Variants in NUS1 observed in about 807,000 individuals in gnomAD.
NUS1 encodes NUS1 dehydrodolichyl diphosphate synthase subunit, also known as dehydrodolichyl diphosphate synthase complex subunit NUS1.
For missense variants in NUS1, 292 were observed against 382.9 expected, an observed-to-expected ratio of 0.76 and a Z score of 1.98; for synonymous variants, 135 against 155.2, an observed-to-expected ratio of 0.87 and a Z score of 0.97.
intron 1 of NUS1, among the ~76,000 whole-genome samples, chr6:117,688,865 T>A (rs894717384): frequency 6.6e-6 from 1 of 152,232 alleles, no homozygotes; most frequent in South Asian, 2.1e-4. Context: ...TCTTAATTAC[T>A]GAGTTTTTTT....
At chr6:117,704,187 A>G (rs1180244175) in intron 4 of NUS1, among the ~76,000 whole-genome samples, 1 of 152,150 alleles carries the variant, frequency 6.6e-6, no homozygotes, top group Non-Finnish European at 1.5e-5. Flanking sequence ...GTAGGCAGGC[A>G]ATAGGAAACG....
intron 3 of NUS1, among the ~76,000 whole-genome samples, chr6:117,702,967 G>A (rs1275310111): frequency 6.6e-6 from 1 of 151,846 alleles, no homozygotes; most frequent in Non-Finnish European, 1.5e-5. Flanking sequence ...CCCAAGTCAG[G>A]TCTCATATGG....
chr6:117,689,562 T>G (rs11153694), intron 1 of NUS1, among the ~76,000 whole-genome samples: 3,480 of 135,222 alleles, frequency 0.026, 48 homozygotes, highest in Non-Finnish European at 0.037. Context: ...TTGTTTTTTG[T>G]TTTTTTTTGT....
At chr6:117,677,368 G>T (rs1463928410) in intron 1 of NUS1, among the ~76,000 whole-genome samples, 1 of 152,158 alleles carries the variant, frequency 6.6e-6, no homozygotes, top group African/African-American at 2.4e-5. Context: ...TGAAGAATAG[G>T]TAGGAGATAA....
intron 3 of NUS1, among the ~76,000 whole-genome samples, chr6:117,698,663 C>G (rs917123639): frequency 1.3e-5 from 2 of 152,096 alleles, no homozygotes; most frequent in African/African-American, 2.4e-5. Flanking sequence ...CTTACAGATT[C>G]ATTTTGTGAA....
intron 1 of NUS1, among the ~76,000 whole-genome samples, chr6:117,686,845 AGTGTGTATGTGT>A (rs1486919661): frequency 1.9e-3 from 218 of 114,482 alleles, no homozygotes; most frequent in African/African-American, 4.2e-3. Context: ...TATCATGTGA[AGTGTGTATGTGT>A]GTGTGTGTGT....
At chr6:117,693,905 A>C in intron 2 of NUS1, 126 bp from the exon 3 acceptor site, 2 of 1,020,658 alleles carry the variant, frequency 2.0e-6, no homozygotes, top group South Asian at 3.9e-5. Flanking sequence ...GAAGGGCTTA[A>C]AAAATTCTTG....
intron 1 of NUS1, among the ~76,000 whole-genome samples, chr6:117,677,723 A>G (rs147638495): frequency 7.4e-4 from 113 of 152,304 alleles, no homozygotes; most frequent in African/African-American, 2.5e-3. Flanking sequence ...GATTTGCCCT[A>G]TAGGGTAAAG....
rs1306428007 is a variant in NUS1, at chr6:117,677,231, A to G, written c.415+1146A>G. 2.6e-5 allele frequency among the ~76,000 whole-genome samples: 4 copies of G among 152,328 alleles called. No homozygotes were observed. In the South Asian group the frequency reaches 8.3e-4, roughly 32 times the overall value. ...TGTTAGGAGGTAGGCACACACTCAC[A>G]TATTTGACATGGTTAATAACAAGAA... is the stretch of plus-strand genomic sequence containing the variant. On this transcript the variant is annotated intron_variant, in intron 1 of 4. Coordinates refer to ENST00000368494, the MANE Select transcript of NUS1 (RefSeq NM_138459.5).
intron 4 of NUS1, among the ~76,000 whole-genome samples, chr6:117,705,288 T>TC (rs1773483054): frequency 6.6e-6 from 1 of 152,178 alleles, no homozygotes; most frequent in Non-Finnish European, 1.5e-5. Context: ...TCAGGTTGTC[T>TC]CCAAGTATGG....
Position 117,706,910 on chromosome 6 carries a change from G to T in NUS1, c.792-15G>T. On this transcript the variant is annotated splice_polypyrimidine_tract_variant and intron_variant, in intron 4 of 4. Transcript: ENST00000368494. ...TATATCTAATTGCTTTTCTCCCCCC[G>T]TGTTTTCTTTTCAGCTCTTTGCCTT... The T allele has an allele frequency of 6.2e-7, 1 of 1,606,412 alleles. No individual in the cohort carries two copies. Among genetic ancestry groups the T allele is most frequent in the South Asian group, 1.1e-5 (1 of 90,898 alleles).
At position 117,708,182 on chromosome 6, in the gene NUS1, C is replaced by G. The variant is rs181685650; in HGVS notation, c.*1167C>G. The G allele has an allele frequency of 6.6e-5, 10 of 152,668 alleles. No homozygotes were observed. The highest frequency in any genetic ancestry group is 2.4e-4 in the African/African-American group (10 of 41,466). 9.5% of individuals were successfully genotyped at this position (152,668 alleles called of 1,614,324 possible). ...CCTCTGTGGGGGAATAAAATATTAC[C>G]AAAGTCTATAAAAATAAATTTTACA... is the stretch of plus-strand genomic sequence containing the variant. On this transcript the variant is annotated 3_prime_UTR_variant, in exon 5 of 5. Transcript: ENST00000368494.
Position 117,675,879 on chromosome 6 carries a change from G to A in NUS1, c.209G>A (p.Arg70Gln), listed in dbSNP as rs1006753900. 3 of 1,533,512 alleles carry A rather than the reference G, an allele frequency of 2.0e-6. No homozygotes were observed. The highest frequency in any genetic ancestry group is 2.8e-5 in the African/African-American group (2 of 72,558). The allele number at this position is 1,533,512 out of a possible 1,614,324, so 95.0% of individuals were successfully genotyped here. A position where few individuals can be genotyped will look rare whatever the true frequency, so the allele number is the denominator to read the frequency against. Reference protein sequence around the residue: ...PAVGRNRRHHRHPRGGSCLAA... With the variant: ...PAVGRNRRHHQHPRGGSCLAA... ...GTCGGCAGGAACCGCCGTCACCACCGGCACCCGCGCGGGGGGTCGTGCCTG... is the reference window on the plus strand; with the variant it reads ...GTCGGCAGGAACCGCCGTCACCACCAGCACCCGCGCGGGGGGTCGTGCCTG... Residue 70 changes from arginine to glutamine, a missense_variant, in exon 1 of 5, where the codon CGG becomes CAG. Arg to Gln is a conservative substitution (Grantham distance 43). Transcript: ENST00000368494.
At position 117,675,948 on chromosome 6, in the gene NUS1, C is replaced by T. The variant is rs754923840; in HGVS notation, c.278C>T (p.Ser93Phe). The change falls in exon 1 of 5, where the codon TCC (serine) becomes TTC (phenylalanine). Residue 93 changes from serine to phenylalanine, a missense_variant. Transcript: ENST00000368494. ...ATGCGCTGGCGCGCGGACGGTCGTT[C>T]CTTGGAGAAGCTGCCTGTGCATATG... ...HRMRWRADGR[S>F]LEKLPVHMGL... is the part of the protein sequence containing the mutation. The T allele has an allele frequency of 5.8e-6, 9 of 1,547,044 alleles. No individual in the cohort carries two copies. Among genetic ancestry groups the T allele is most frequent in the South Asian group, 2.4e-5 (2 of 83,924 alleles).
At chr6:117,699,182 A>G (rs1773363987) in intron 3 of NUS1, among the ~76,000 whole-genome samples, 1 of 152,158 alleles carries the variant, frequency 6.6e-6, no homozygotes, top group Non-Finnish European at 1.5e-5. Flanking sequence ...AGGAAAAGGC[A>G]TCCAGATTGG....
At chr6:117,691,552 G>GATAGATATATATATATAT (rs1258674063) in intron 1 of NUS1, among the ~76,000 whole-genome samples, 5 of 37,546 alleles carry the variant, frequency 1.3e-4, no homozygotes, top group African/African-American at 3.4e-4. Context: ...CTGTGCCATA[G>GATAGATATATATATATAT]ATATAGATAT....
At chr6:117,697,264 A>G (rs1236450866) in intron 3 of NUS1, among the ~76,000 whole-genome samples, 1 of 152,120 alleles carries the variant, frequency 6.6e-6, no homozygotes, top group Non-Finnish European at 1.5e-5. Flanking sequence ...AGAGAAGACC[A>G]CAAAACAACC....
intron 1 of NUS1, among the ~76,000 whole-genome samples, chr6:117,692,821 A>T (rs1369222668): frequency 1.3e-5 from 2 of 152,104 alleles, no homozygotes; most frequent in South Asian, 2.1e-4. Flanking sequence ...GCCACTACTT[A>T]AGTAGTTACC....
At chr6:117,693,695 A>G (rs749734421) in intron 2 of NUS1, among the ~76,000 whole-genome samples, 1 of 152,146 alleles carries the variant, frequency 6.6e-6, no homozygotes, top group South Asian at 2.1e-4. Context: ...CGATATCGCA[A>G]TTATACAGGA....
Sources: gnomAD v4.1 joint callset for allele counts (sites outside exome capture counted in the v4.1 genomes callset) on GRCh38, gnomAD v4.1.1 for gene constraint, MANE v1.5 for transcripts, NCBI Gene and HGNC (gene_info 2026-07-23, HGNC 2026-07-21) for gene names.